Variants in HDAC11 observed in about 807,000 individuals in gnomAD.
HDAC11 encodes histone deacetylase 11.
In HDAC11, 23 loss-of-function variants were observed where a neutral mutation model predicts 41.1. That is an observed-to-expected ratio of 0.56 (90% CI 0.40 to 0.79). The LOEUF (loss-of-function observed/expected upper bound fraction) is 0.79, where lower values mean the gene tolerates loss of function less well. HDAC11 is among the 30% of genes least tolerant of loss of function. The pLI, the probability that HDAC11 is intolerant of heterozygous loss-of-function variation, is 0.00. For missense variants in HDAC11, 402 were observed against 477.3 expected, an observed-to-expected ratio of 0.84 and a Z score of 1.47; for synonymous variants, 187 against 186.6, an observed-to-expected ratio of 1.00 and a Z score of -0.02.
chr3:13,504,423 A>G (rs765057288), intron 9 of HDAC11, 45 bp from the exon 10 acceptor site: 2 of 1,603,566 alleles, frequency 1.2e-6, no homozygotes, highest in South Asian at 2.2e-5. Context: ...TCCTGACACC[A>G]TGGGGGTCTG....
chr3:13,488,483 C>G (rs1408576699), intron 3 of HDAC11, among the ~76,000 whole-genome samples: 2 of 152,164 alleles, frequency 1.3e-5, no homozygotes, highest in South Asian at 2.1e-4. Flanking sequence ...ATGGATTTGC[C>G]TATCCTGGAT....
chr3:13,503,703 A>G (rs28634246), intron 8 of HDAC11, among the ~76,000 whole-genome samples: 164 of 152,358 alleles, frequency 1.1e-3, no homozygotes, highest in African/African-American at 3.9e-3. Flanking sequence ...TGCACCAGTC[A>G]CGATGAGTCT....
At chr3:13,489,961 T>C (rs1701770504) in intron 3 of HDAC11, among the ~76,000 whole-genome samples, 1 of 152,108 alleles carries the variant, frequency 6.6e-6, no homozygotes. Context: ...TTGGAGCAAA[T>C]TTTGAAATTC....
chr3:13,483,879 C>T (rs748940248), intron 3 of HDAC11, among the ~76,000 whole-genome samples: 11 of 152,158 alleles, frequency 7.2e-5, no homozygotes, highest in South Asian at 2.1e-4. Context: ...GACACGCCTC[C>T]GAGACCCCAG....
intron 8 of HDAC11, 76 bp from the exon 9 acceptor site, chr3:13,504,018 C>G (rs915040615): frequency 1.9e-5 from 26 of 1,375,158 alleles, no homozygotes; most frequent in Admixed American, 7.8e-5. Context: ...TCCAGTCTTG[C>G]CTGGTGTCCA....
Position 13,496,758 on chromosome 3 carries a change from T to C in HDAC11, c.275T>C (p.Ile92Thr), listed in dbSNP as rs762231657. ...CAGTGGTCCTTTGCTGTTGCTACCA[T>C]CACAGAAATCCCCCCCGTTATCTTC... ...ELKWSFAVATITEIPPVIFLP... is the reference protein window; with the variant it reads ...ELKWSFAVATTTEIPPVIFLP... The change falls in exon 4 of 10, where the codon ATC (isoleucine) becomes ACC (threonine). Residue 92 changes from isoleucine (I) to threonine (T), a missense_variant. By Grantham distance (89) the Ile-to-Thr change is moderately conservative. Transcript: ENST00000295757. The C allele has an allele frequency of 6.2e-7, 1 of 1,606,200 alleles. No homozygotes were observed. Among genetic ancestry groups the C allele is most frequent in the Non-Finnish European group, 8.5e-7 (1 of 1,176,248 alleles).
chr3:13,489,461 G>T (rs1701747176), intron 3 of HDAC11, among the ~76,000 whole-genome samples: 1 of 152,182 alleles, frequency 6.6e-6, no homozygotes, highest in Non-Finnish European at 1.5e-5. Context: ...AGCACCATTT[G>T]TTAGGCTGTT....
intron 3 of HDAC11, 139 bp from the exon 4 acceptor site, chr3:13,496,597 A>G: frequency 1.6e-6 from 1 of 609,340 alleles, no homozygotes; most frequent in Non-Finnish European, 3.0e-6. Flanking sequence ...CATTTCTACC[A>G]AAGGAAGTGT....
intron 3 of HDAC11, among the ~76,000 whole-genome samples, chr3:13,488,809 A>AT (rs1701714759): frequency 6.6e-6 from 1 of 152,044 alleles, no homozygotes; most frequent in African/African-American, 2.4e-5. Flanking sequence ...ATTCTGTTTA[A>AT]TTTTCTGAAG....
At position 13,498,566 on chromosome 3, in the gene HDAC11, G is replaced by A. The variant is rs1334657347; in HGVS notation, c.412+11G>A. Reference sequence around the variant, plus strand: ...GGGCCATCAACGTGGGTGAGTGCTGGGAATGTCCTCGGGAATGTCCAGCCC... The same window carrying A: ...GGGCCATCAACGTGGGTGAGTGCTGAGAATGTCCTCGGGAATGTCCAGCCC... On this transcript the variant is annotated intron_variant, in intron 5 of 9. Transcript: ENST00000295757. 1.2e-6 allele frequency: 2 copies of A among 1,613,946 alleles called. No individual in the cohort carries two copies. The highest frequency in any genetic ancestry group is 2.2e-5 in the East Asian group (1 of 44,872).
At chr3:13,485,441 A>G (rs1026929653) in intron 3 of HDAC11, among the ~76,000 whole-genome samples, 2 of 152,200 alleles carry the variant, frequency 1.3e-5, no homozygotes, top group African/African-American at 4.8e-5. Flanking sequence ...AGGAAGGGAC[A>G]GGAGGCGCTC....
intron 2 of HDAC11, among the ~76,000 whole-genome samples, chr3:13,482,843 G>C (rs1701383882): frequency 2.6e-5 from 4 of 151,906 alleles, no homozygotes; most frequent in Admixed American, 2.6e-4. Flanking sequence ...CCATCACCCA[G>C]GCTAGAGTGC....
At chr3:13,486,916 C>G (rs1701623462) in intron 3 of HDAC11, among the ~76,000 whole-genome samples, 1 of 152,022 alleles carries the variant, frequency 6.6e-6, no homozygotes, top group Non-Finnish European at 1.5e-5. Context: ...TTTCAGAATC[C>G]CAGGCCTGGA....
At chr3:13,485,877 G>T (rs921093435) in intron 3 of HDAC11, among the ~76,000 whole-genome samples, 1 of 152,134 alleles carries the variant, frequency 6.6e-6, no homozygotes, top group African/African-American at 2.4e-5. Context: ...CACTGAAAAA[G>T]TTAACCAAGA....
intron 2 of HDAC11, 109 bp from the exon 3 acceptor site, chr3:13,483,355 C>T: frequency 1.0e-5 from 9 of 876,142 alleles, no homozygotes; most frequent in Non-Finnish European, 1.7e-5. Flanking sequence ...CCTACCTACC[C>T]CTGGGGCAGG....
intron 5 of HDAC11, among the ~76,000 whole-genome samples, chr3:13,499,754 C>T (rs1019522082): frequency 8.5e-5 from 13 of 152,262 alleles, no homozygotes; most frequent in African/African-American, 2.6e-4. Context: ...TGCACAAACC[C>T]GGGAGTGATC....
intron 3 of HDAC11, among the ~76,000 whole-genome samples, chr3:13,495,177 G>C (rs911837903): frequency 2.6e-5 from 4 of 152,054 alleles, no homozygotes; most frequent in Non-Finnish European, 4.4e-5. Context: ...CTGCACCTTA[G>C]GTCTTTCCAC....
At chr3:13,492,331 G>A (rs1701902726) in intron 3 of HDAC11, among the ~76,000 whole-genome samples, 2 of 152,222 alleles carry the variant, frequency 1.3e-5, no homozygotes, top group Admixed American at 1.3e-4. Flanking sequence ...CAGAAAAGGG[G>A]ATCAACGGCA....
In HDAC11 at chr3:13,480,790, G is replaced by T. The variant is rs1701279063; in HGVS notation, c.2+441G>T. The T allele has an allele frequency of 6.7e-6, 3 of 447,444 alleles. No individual in the cohort carries two copies. The highest frequency in any genetic ancestry group is 1.4e-5 in the Non-Finnish European group (3 of 217,188). The allele number at this position is 447,444 out of a possible 1,614,324, so 27.7% of individuals were successfully genotyped here. A position where few individuals can be genotyped will look rare whatever the true frequency, so the allele number is the denominator to read the frequency against. On this transcript the variant is annotated intron_variant, in intron 1 of 9. Transcript: ENST00000295757. This position sits in a 1 kb window ranked among gnomAD's most constrained non-coding sequence, Gnocchi z 4.6. ...CTGGCTCAGGTTGGGTCCCGACTTG[G>T]GTTTCTGAGTGCTTACTGTGCTCAG...
Sources: gnomAD v4.1 joint callset for allele counts (sites outside exome capture counted in the v4.1 genomes callset) on GRCh38, gnomAD v4.1.1 for gene constraint, Gnocchi (gnomAD v3.1) non-coding constraint, MANE v1.5 for transcripts, NCBI Gene and HGNC (gene_info 2026-07-23, HGNC 2026-07-21) for gene names.